The following NDUFS1 variants were observed in gnomAD, a reference collection of about 807,000 sequenced individuals.
The protein encoded by NDUFS1 is NADH-ubiquinone oxidoreductase 75 kDa subunit, mitochondrial.
In NDUFS1, 61 loss-of-function variants were observed where a neutral mutation model predicts 84.4. The ratio of observed to expected loss-of-function variants is 0.72; its 90% confidence interval spans 0.59 to 0.89. The LOEUF (loss-of-function observed/expected upper bound fraction) is 0.89. NDUFS1 is among the 40% of genes least tolerant of loss of function. The pLI is 0.00. For synonymous variants in NDUFS1, 275 were observed against 290.0 expected (o/e 0.95, Z 0.53); for missense variants, 891 against 890.0 (o/e 1.00, Z -0.01).
At chr2:206,159,052 G>A in intron 1 of NDUFS1, 1 of 1,532,130 alleles carries the variant, frequency 6.5e-7, no homozygotes, top group Non-Finnish European at 8.7e-7. Context: ...AGAGGGAAAT[G>A]TCCTGAATTT....
At chr2:206,129,719 G>GT (rs1299901954) in intron 15 of NDUFS1, among the ~76,000 whole-genome samples, 1 of 151,714 alleles carries the variant, frequency 6.6e-6, no homozygotes. Flanking sequence ...AGCCTCCCGA[G>GT]TAGCTGGGAT....
At chr2:206,139,049 G>A (rs890064157) in intron 12 of NDUFS1, among the ~76,000 whole-genome samples, 1 of 151,668 alleles carries the variant, frequency 6.6e-6, no homozygotes, top group African/African-American at 2.4e-5. Flanking sequence ...CCAGGAGGTA[G>A]AGGTTGCAGC....
chr2:206,144,921 G>A lies in NDUFS1; in HGVS notation c.843C>T (p.Ile281=). ...MRILPRMHED[I]NEEWISDKTR... is the part of the protein sequence containing the mutation. ...TTTTATCAGAGATCCACTCTTCATT[G>A]ATGTCCTCATGCATACGTGGCAAAA... Residue 281 remains isoleucine, a synonymous_variant, in exon 9 of 19, where the codon ATC becomes ATT. Coordinates refer to ENST00000233190, the MANE Select transcript of NDUFS1 (RefSeq NM_005006.7). 6.2e-7 allele frequency: 1 copy of A among 1,614,010 alleles called. No individual in the cohort carries two copies. Among genetic ancestry groups the A allele is most frequent in the African/African-American group, 1.3e-5 (1 of 75,026 alleles).
rs1690938697 is a variant in NDUFS1, at chr2:206,116,223, A to G, written c.*7962T>C. 7.5e-7 allele frequency: 1 copy of G among 1,324,998 alleles called. No individual in the cohort carries two copies. The allele number at this position is 1,324,998 out of a possible 1,614,324, so 82.1% of individuals were successfully genotyped here. The stretch of plus-strand genomic sequence containing the variant: ...ATCAGCCAACCATCTTCATAACGAG[A>G]TTTGTTTACAAGTCCTGGATTTTCT... On this transcript the variant is annotated 3_prime_UTR_variant, in exon 19 of 19. Transcript: ENST00000233190.
chr2:206,138,440 ATAAT>A (rs747793171), intron 13 of NDUFS1, 41 bp downstream of exon 13: 23 of 1,584,046 alleles, frequency 1.5e-5, no homozygotes, highest in Admixed American at 3.4e-5. Context: ...TTAAATAATA[ATAAT>A]TAAAAATCAA....
At position 206,141,894 on chromosome 2, in the gene NDUFS1, A is replaced by G. The variant is rs749792711; in HGVS notation, c.1262+47T>C. ...TGCCATTTTTCACATATAAAACAAA[A>G]AAATTACATAAATATTTTTAAACCT... On this transcript the variant is annotated intron_variant, in intron 12 of 18. Coordinates refer to ENST00000233190, the MANE Select transcript of NDUFS1 (RefSeq NM_005006.7). The G allele has an allele frequency of 5.2e-6, 8 of 1,545,338 alleles. No individual in the cohort carries two copies. In the East Asian group the frequency reaches 1.7e-4, roughly 32 times the overall value.
rs1271842380 is a variant in NDUFS1 at position 206,117,455 on chromosome 2, G to A, written c.*6730C>T. 1 of 152,188 alleles carries A rather than the reference G, an allele frequency of 6.6e-6. No homozygotes were observed. The highest frequency in any genetic ancestry group is 1.9e-4 in the East Asian group (1 of 5,196). The allele number at this position is 152,188 out of a possible 1,614,324, so 9.4% of individuals were successfully genotyped here. ...AAAAAAATTTTGTTTTTCTTTTTGA[G>A]ATGGGGTCTCGCTTTGTCGCCCATG... is the stretch of plus-strand genomic sequence containing the variant. On this transcript the variant is annotated 3_prime_UTR_variant, in exon 19 of 19. Coordinates refer to ENST00000233190, the MANE Select transcript of NDUFS1 (RefSeq NM_005006.7).
chr2:206,159,153 G>T, intron 1 of NDUFS1, 188 bp downstream of exon 1: 1 of 1,535,656 alleles, frequency 6.5e-7, no homozygotes, highest in Non-Finnish European at 8.7e-7. Flanking sequence ...TGCTTCATCA[G>T]ACCAGAGACC....
In NDUFS1 at chr2:206,149,933, TAAAAAAAAAAAAAA is replaced by T; in HGVS notation, c.154-22_154-9del. 4 of 602,018 alleles carry T rather than the reference TAAAAAAAAAAAAAA, an allele frequency of 6.6e-6. No individual in the cohort carries two copies. The highest frequency in any genetic ancestry group is 3.5e-5 in the African/African-American group (1 of 28,688). 37.3% of individuals were successfully genotyped at this position (602,018 alleles called of 1,614,324 possible). A position where few individuals can be genotyped will look rare whatever the true frequency, so the allele number is the denominator to read the frequency against. ...GCCAACCTTCTCACAAGCCTAGAAG[TAAAAAAAAAAAAAA>T]AAAAAAAAAAAGCATTAGAATAACC... On this transcript the variant is annotated splice_polypyrimidine_tract_variant and intron_variant, in intron 3 of 18. Coordinates refer to ENST00000233190, the MANE Select transcript of NDUFS1 (RefSeq NM_005006.7).
intron 13 of NDUFS1, among the ~76,000 whole-genome samples, chr2:206,133,979 AAAAAC>A (rs890840769): frequency 6.6e-6 from 1 of 152,186 alleles, no homozygotes; most frequent in Non-Finnish European, 1.5e-5. Flanking sequence ...ACTCTGTCTC[AAAAAC>A]AAAACAAAAC....
chr2:206,157,455 C>T (rs1382193095), intron 1 of NDUFS1, among the ~76,000 whole-genome samples: 1 of 152,116 alleles, frequency 6.6e-6, no homozygotes, highest in East Asian at 1.9e-4. Context: ...AAAATAACCA[C>T]CAAACAGTCT....
rs1691007270 is a variant in NDUFS1 at position 206,118,361 on chromosome 2, C to T, written c.*5824G>A. On this transcript the variant is annotated 3_prime_UTR_variant, in exon 19 of 19. Coordinates refer to ENST00000233190, the MANE Select transcript of NDUFS1 (RefSeq NM_005006.7). ...TTATTAGGGGCCGGGTACAGTGGCTCATGCCTGTAATCCCAGCACTTTGGG... is the reference window on the plus strand; with the variant it reads ...TTATTAGGGGCCGGGTACAGTGGCTTATGCCTGTAATCCCAGCACTTTGGG... 1 of 152,254 alleles carries T rather than the reference C, an allele frequency of 6.6e-6. No individual in the cohort carries two copies. The highest frequency in any genetic ancestry group is 1.5e-5 in the Non-Finnish European group (1 of 68,064). 9.4% of individuals were successfully genotyped at this position (152,254 alleles called of 1,614,324 possible). A position where few individuals can be genotyped will look rare whatever the true frequency, so the allele number is the denominator to read the frequency against.
intron 16 of NDUFS1, among the ~76,000 whole-genome samples, chr2:206,127,403 T>C (rs1335916760): frequency 6.6e-6 from 1 of 152,088 alleles, no homozygotes; most frequent in African/African-American, 2.4e-5. Context: ...GGCTTGGTGG[T>C]ACATGCGTGT....
In NDUFS1 at chr2:206,124,379, G is replaced by A. The variant is rs2105940363; in HGVS notation, c.2093-103C>T. On this transcript the variant is annotated intron_variant, in intron 18 of 18. Coordinates refer to ENST00000233190, the MANE Select transcript of NDUFS1 (RefSeq NM_005006.7). ...TATTCAGGAGGAAAAAAGATTATAAGGCCCTATGCAAGTATATATAATTAT... is the reference window on the plus strand; with the variant it reads ...TATTCAGGAGGAAAAAAGATTATAAAGCCCTATGCAAGTATATATAATTAT... 4 of 839,446 alleles carry A rather than the reference G, an allele frequency of 4.8e-6. No individual in the cohort carries two copies. The Admixed American group carries it at 7.7e-5, about 16-fold the overall frequency. The allele number at this position is 839,446 out of a possible 1,614,324, so 52.0% of individuals were successfully genotyped here. A position where few individuals can be genotyped will look rare whatever the true frequency, so the allele number is the denominator to read the frequency against.
rs145868302 is a variant in NDUFS1 at position 206,147,825 on chromosome 2, C to T, written c.348G>A (p.Val116=). 115 of 1,613,584 alleles carry T rather than the reference C, an allele frequency of 7.1e-5. No individual in the cohort carries two copies. In the African/African-American group the frequency reaches 1.4e-3, roughly 20 times the overall value. Residue 116 remains valine (V), a synonymous_variant, in exon 6 of 19, where the codon GTG becomes GTA. Coordinates refer to ENST00000233190, the MANE Select transcript of NDUFS1 (RefSeq NM_005006.7). ...SEKSKKAREG[V]MEFLLANHPL... The stretch of plus-strand genomic sequence containing the variant: ...GGTGATTTGCTAATAAGAACTCCAT[C>T]ACACCTTCCCTGTATGAAAATTGTA...
Position 206,133,038 on chromosome 2 carries a change from G to C in NDUFS1, c.1460C>G (p.Ala487Gly). Reference sequence around the variant, plus strand: ...GCTAGAAACAGCTGCAAGAATTGCTGCTCCATCATTTCTTTGGAGTGCAGA... The same window carrying C: ...GCTAGAAACAGCTGCAAGAATTGCTCCTCCATCATTTCTTTGGAGTGCAGA... ...GSSALQRNDG[A>G]AILAAVSSIA... is the part of the protein sequence containing the mutation. Residue 487 changes from alanine to glycine, a missense_variant, in exon 14 of 19, where the codon GCA becomes GGA. Transcript: ENST00000233190. 6.2e-7 allele frequency: 1 copy of C among 1,613,730 alleles called. No individual in the cohort carries two copies. The highest frequency in any genetic ancestry group is 8.5e-7 in the Non-Finnish European group (1 of 1,179,810).
rs536466143 is a variant in NDUFS1, at chr2:206,129,048, A to C, written c.1708+1040T>G. The stretch of plus-strand genomic sequence containing the variant: ...GAAAAATTTGGAAACACTGCCACCC[A>C]TTAATAACAACTGGCAGAAGAAAAA... On this transcript the variant is annotated intron_variant, in intron 15 of 18. Coordinates refer to ENST00000233190, the MANE Select transcript of NDUFS1 (RefSeq NM_005006.7). Among the ~76,000 whole-genome samples, 21 of 152,296 alleles carry C rather than the reference A, an allele frequency of 1.4e-4. No homozygotes were observed. In the South Asian group the frequency reaches 3.9e-3, roughly 29 times the overall value.
Position 206,115,546 on chromosome 2 carries a change from ATTT to A in NDUFS1, c.*8636_*8638del. ...TGGCCTCCAGAATTGTAAGAAGTAA[ATTT>A]TTTTTTTTTTTAACGAAGAAGTGAG... On this transcript the variant is annotated 3_prime_UTR_variant, in exon 19 of 19. Transcript: ENST00000233190. 2 of 167,562 alleles carry A rather than the reference ATTT, an allele frequency of 1.2e-5. No homozygotes were observed. Among genetic ancestry groups the A allele is most frequent in the Non-Finnish European group, 2.5e-5 (2 of 80,604 alleles). The allele number at this position is 167,562 out of a possible 1,614,324, so 10.4% of individuals were successfully genotyped here.
intron 14 of NDUFS1, among the ~76,000 whole-genome samples, chr2:206,132,502 C>G (rs1002963372): frequency 2.6e-5 from 4 of 151,968 alleles, no homozygotes; most frequent in Admixed American, 6.6e-5. Flanking sequence ...GTGGGAGGAT[C>G]GCTGGAGCTC....
Sources: allele counts gnomAD v4.1 joint callset (sites outside exome capture counted in the v4.1 genomes callset), GRCh38; gene constraint gnomAD v4.1.1; transcripts MANE v1.5; gene names NCBI Gene and HGNC (gene_info 2026-07-23, HGNC 2026-07-21).